The following DTD1 variants were observed in gnomAD, a reference collection of about 807,000 sequenced individuals.
DTD1 encodes D-tyrosyl-tRNA deacylase 1 homolog.
Under a neutral mutation model 25.6 loss-of-function variants are expected in DTD1, and 13 were observed. The observed-to-expected ratio is 0.51, with a 90% confidence interval of 0.33 to 0.81. The LOEUF (loss-of-function observed/expected upper bound fraction) is 0.81. Among genes scored for constraint, DTD1 ranks in the 30% least tolerant of loss-of-function variants. DTD1 has a pLI of 0.02. For synonymous variants in DTD1, 110 were observed against 103.6 expected, an observed-to-expected ratio of 1.06 and a Z score of -0.37; for missense variants, 193 against 266.4, an observed-to-expected ratio of 0.72 and a Z score of 1.92.
chr20:18,670,514 G>C (rs1420958631), intron 4 of DTD1, among the ~76,000 whole-genome samples: 1 of 152,170 alleles, frequency 6.6e-6, no homozygotes. Flanking sequence ...CTCATCTCTT[G>C]TTCTGCAATT....
At chr20:18,735,623 C>A (rs1180345097) in intron 4 of DTD1, among the ~76,000 whole-genome samples, 1 of 152,206 alleles carries the variant, frequency 6.6e-6, no homozygotes, top group African/African-American at 2.4e-5. Context: ...TGAAGATGGA[C>A]TTTTTAAAGA....
intron 5 of DTD1, among the ~76,000 whole-genome samples, chr20:18,762,698 C>G (rs2061367770): frequency 6.6e-6 from 1 of 152,060 alleles, no homozygotes; most frequent in Non-Finnish European, 1.5e-5. Flanking sequence ...CTGATGTTGC[C>G]TCTTTGATTC....
At chr20:18,660,154 C>T (rs2060904291) in intron 4 of DTD1, among the ~76,000 whole-genome samples, 1 of 152,152 alleles carries the variant, frequency 6.6e-6, no homozygotes, top group Admixed American at 6.5e-5. Flanking sequence ...TTGCAGTGAG[C>T]TGAGATTGCA....
chr20:18,652,541 AG>A (rs2060878202), intron 4 of DTD1, among the ~76,000 whole-genome samples: 1 of 152,206 alleles, frequency 6.6e-6, no homozygotes. Context: ...GGACCCTTTC[AG>A]GGATACACGG....
intron 4 of DTD1, chr20:18,632,312 T>C (rs1462835339): frequency 3.0e-6 from 3 of 985,348 alleles, no homozygotes; most frequent in Middle Eastern, 5.2e-4. Flanking sequence ...TCAACTTCAT[T>C]TACATGGACC....
At chr20:18,636,468 A>G (rs2060807749) in intron 4 of DTD1, among the ~76,000 whole-genome samples, 1 of 152,252 alleles carries the variant, frequency 6.6e-6, no homozygotes, top group South Asian at 2.1e-4. Context: ...ATAGAATTCT[A>G]AAAAATGCAG....
At chr20:18,637,509 G>T (rs1285075844) in intron 4 of DTD1, among the ~76,000 whole-genome samples, 3 of 152,216 alleles carry the variant, frequency 2.0e-5, no homozygotes, top group Non-Finnish European at 4.4e-5. Context: ...GTGCAAGATT[G>T]TAGCAGTGTA....
chr20:18,719,214 T>A (rs1417681282), intron 4 of DTD1, among the ~76,000 whole-genome samples: 1 of 151,438 alleles, frequency 6.6e-6, no homozygotes, highest in Non-Finnish European at 1.5e-5. Context: ...CTATTTTTTG[T>A]GTATATTTCT....
At chr20:18,737,284 C>T (rs2061259553) in intron 4 of DTD1, among the ~76,000 whole-genome samples, 2 of 151,746 alleles carry the variant, frequency 1.3e-5, no homozygotes, top group South Asian at 4.2e-4. Flanking sequence ...TGAGTAGACA[C>T]TCGGGTGATG....
chr20:18,666,655 T>A (rs1425273682), intron 4 of DTD1, among the ~76,000 whole-genome samples: 2 of 152,244 alleles, frequency 1.3e-5, no homozygotes, highest in Non-Finnish European at 2.9e-5. Context: ...GATTTTGAGT[T>A]TGATTTCACT....
chr20:18,595,780 T>C lies in DTD1; in HGVS notation c.135-226T>C, dbSNP rs77129544. On this transcript the variant is annotated intron_variant, in intron 2 of 5. Transcript: ENST00000377452. The stretch of plus-strand genomic sequence containing the variant: ...GGAGCGACTGGCAAAAAAGAAGCAA[T>C]CTCAAAACAACCGTGTGAGGTAGAA... 6.4e-4 allele frequency among the ~76,000 whole-genome samples: 98 copies of C among 152,202 alleles called. 1 individual carries two copies. The highest frequency in any genetic ancestry group is 2.3e-3 in the African/African-American group (96 of 41,516).
At chr20:18,674,082 T>C (rs907708414) in intron 4 of DTD1, among the ~76,000 whole-genome samples, 10 of 152,220 alleles carry the variant, frequency 6.6e-5, no homozygotes, top group Non-Finnish European at 1.3e-4. Flanking sequence ...TTATATATCC[T>C]ACTTTGGTGA....
At chr20:18,724,359 T>A (rs965182603) in intron 4 of DTD1, among the ~76,000 whole-genome samples, 2 of 152,146 alleles carry the variant, frequency 1.3e-5, no homozygotes, top group South Asian at 4.1e-4. Context: ...ATTCATAAAA[T>A]TTTTGTATTT....
chr20:18,661,371 CTTT>C (rs565601536), intron 4 of DTD1, among the ~76,000 whole-genome samples: 5 of 120,186 alleles, frequency 4.2e-5, no homozygotes, highest in Admixed American at 9.1e-5. Flanking sequence ...GTCTTCTAGT[CTTT>C]TTTTTTTTTT....
At chr20:18,632,082 T>G (rs558835606) in intron 4 of DTD1, 3 of 912,942 alleles carry the variant, frequency 3.3e-6, no homozygotes, top group South Asian at 1.0e-4. Context: ...GGACATGTAA[T>G]TTACTTGACT....
At chr20:18,683,880 T>C (rs931439483) in intron 4 of DTD1, among the ~76,000 whole-genome samples, 2 of 152,206 alleles carry the variant, frequency 1.3e-5, no homozygotes, top group Non-Finnish European at 2.9e-5. Context: ...GCCTGCAGCC[T>C]TTCCAGCCTA....
chr20:18,596,568 G>A (rs6081238), intron 3 of DTD1, among the ~76,000 whole-genome samples: 48,783 of 151,946 alleles, frequency 0.32, 8,176 homozygotes, highest in Non-Finnish European at 0.37. Flanking sequence ...AGCCTCAAAT[G>A]TGAGCCAAAT....
At chr20:18,598,075 G>A (rs1281001575) in intron 3 of DTD1, among the ~76,000 whole-genome samples, 1 of 152,102 alleles carries the variant, frequency 6.6e-6, no homozygotes, top group African/African-American at 2.4e-5. Context: ...GTATACATGT[G>A]CCATAGTGGT....
intron 4 of DTD1, among the ~76,000 whole-genome samples, chr20:18,687,168 A>G (rs973233078): frequency 1.3e-5 from 2 of 152,222 alleles, no homozygotes; most frequent in Non-Finnish European, 2.9e-5. Context: ...GTCAAGACCT[A>G]TGCCAGGGGG....
Sources: allele counts gnomAD v4.1 joint callset (sites outside exome capture counted in the v4.1 genomes callset), GRCh38; gene constraint gnomAD v4.1.1; transcripts MANE v1.5; gene names NCBI Gene and HGNC (gene_info 2026-07-23, HGNC 2026-07-21).